Variants in GRM8 observed in about 807,000 individuals in gnomAD.
GRM8 encodes metabotropic glutamate receptor 8.
GRM8 carries 47 observed loss-of-function variants against 87.2 expected under a neutral mutation model. The ratio of observed to expected loss-of-function variants is 0.54; its 90% confidence interval spans 0.43 to 0.69. GRM8 has a LOEUF of 0.69. Ranked by LOEUF, GRM8 falls within the 30% of genes least tolerant of loss-of-function variation. GRM8 has a pLI of 0.00. For missense variants in GRM8, 1,019 were observed against 1,139.2 expected, an observed-to-expected ratio of 0.89 and a Z score of 1.52; for synonymous variants, 396 against 404.5, an observed-to-expected ratio of 0.98 and a Z score of 0.25.
At chr7:126,639,927 C>G (rs184595916) in intron 7 of GRM8, among the ~76,000 whole-genome samples, 1 of 152,264 alleles carries the variant, frequency 6.6e-6, no homozygotes, top group Admixed American at 6.5e-5. Context: ...AAAATGTCAT[C>G]TAGACCATGC....
At chr7:126,585,293 G>T (rs970318035) in intron 8 of GRM8, among the ~76,000 whole-genome samples, 2 of 152,126 alleles carry the variant, frequency 1.3e-5, no homozygotes, top group South Asian at 2.1e-4. Context: ...AAACAATAAG[G>T]CATAAACCCA....
intron 3 of GRM8, among the ~76,000 whole-genome samples, chr7:127,095,483 G>A (rs576470444): frequency 6.6e-5 from 10 of 152,208 alleles, no homozygotes; most frequent in African/African-American, 2.4e-4. Flanking sequence ...CATCAATAGA[G>A]GAAGAAATAA....
At chr7:127,008,527 AAATT>A (rs1814547950) in intron 3 of GRM8, among the ~76,000 whole-genome samples, 3 of 152,236 alleles carry the variant, frequency 2.0e-5, no homozygotes, top group East Asian at 3.9e-4. Context: ...GCTGTTCTCT[AAATT>A]ATTTCAAACT....
intron 2 of GRM8, among the ~76,000 whole-genome samples, chr7:127,216,535 C>CAAAAAAAAAAAAAAAAAAAAAAA (rs796757040): frequency 8.6e-6 from 1 of 115,960 alleles, no homozygotes; most frequent in Non-Finnish European, 1.7e-5. Context: ...AAAAAAAAAA[C>CAAAAAAAAAAAAAAAAAAAAAAA]AAAAAAAAAA....
chr7:127,252,524 C>A lies in GRM8; in HGVS notation c.-312+273G>T. 6.6e-6 allele frequency: 1 copy of A among 152,570 alleles called. No homozygotes were observed. 9.5% of individuals were successfully genotyped at this position (152,570 alleles called of 1,614,324 possible). On this transcript the variant is annotated intron_variant, in intron 1 of 10. Coordinates refer to ENST00000339582, the MANE Select transcript of GRM8 (RefSeq NM_000845.3). This position sits in a 1 kb window ranked among gnomAD's most constrained non-coding sequence, Gnocchi z 4.9. ...TCCCCCCATTCCCGTCACCTCCGCCCGCTATTTCTCTCACAGACTACGGAC... is the reference window on the plus strand; with the variant it reads ...TCCCCCCATTCCCGTCACCTCCGCCAGCTATTTCTCTCACAGACTACGGAC...
intron 3 of GRM8, among the ~76,000 whole-genome samples, chr7:126,968,418 A>T (rs1483499512): frequency 1.3e-5 from 2 of 152,172 alleles, no homozygotes; most frequent in Non-Finnish European, 2.9e-5. Context: ...TGCTGCTGTA[A>T]GGCCAAGCAA....
chr7:126,694,914 C>T (rs917575094), intron 7 of GRM8, among the ~76,000 whole-genome samples: 1 of 152,182 alleles, frequency 6.6e-6, no homozygotes, highest in African/African-American at 2.4e-5. Flanking sequence ...TTGATTCTAA[C>T]ATGTATCTGG....
chr7:126,568,501 CCT>C (rs983451528), intron 8 of GRM8, among the ~76,000 whole-genome samples: 16 of 152,104 alleles, frequency 1.1e-4, no homozygotes, highest in African/African-American at 3.6e-4. Flanking sequence ...AGAGCTCCTC[CCT>C]CTCTCTCCCT....
At chr7:126,613,541 G>T (rs1367313386) in intron 7 of GRM8, among the ~76,000 whole-genome samples, 4 of 152,064 alleles carry the variant, frequency 2.6e-5, no homozygotes, top group Non-Finnish European at 5.9e-5. Context: ...CAGGACAGTG[G>T]GTGCAGCCCA....
At chr7:126,457,204 TA>T (rs1250404644) in intron 9 of GRM8, among the ~76,000 whole-genome samples, 1 of 151,040 alleles carries the variant, frequency 6.6e-6, no homozygotes, top group African/African-American at 2.4e-5. Flanking sequence ...GATAAATCAG[TA>T]AAAAAAATAT....
intron 10 of GRM8, 125 bp from the exon 11 acceptor site, chr7:126,439,293 C>G: frequency 1.5e-6 from 1 of 666,090 alleles, no homozygotes; most frequent in Non-Finnish European, 2.7e-6. Context: ...GCATGTTACT[C>G]ATTATTTTTA....
chr7:126,669,315 C>T (rs1806134334), intron 7 of GRM8, among the ~76,000 whole-genome samples: 1 of 151,582 alleles, frequency 6.6e-6, no homozygotes, highest in Non-Finnish European at 1.5e-5. Context: ...GCACATGTAT[C>T]CTGGAACTAA....
At chr7:127,210,576 C>G (rs576654485) in intron 2 of GRM8, among the ~76,000 whole-genome samples, 13 of 152,246 alleles carry the variant, frequency 8.5e-5, no homozygotes, top group African/African-American at 3.1e-4. Context: ...AAGATGTCTT[C>G]CAATCCTAGC....
At chr7:126,595,979 A>G (rs1374223954) in intron 8 of GRM8, among the ~76,000 whole-genome samples, 3 of 152,166 alleles carry the variant, frequency 2.0e-5, no homozygotes, top group Admixed American at 2.0e-4. Flanking sequence ...TTTACTAAAG[A>G]TACAAATATC....
intron 7 of GRM8, among the ~76,000 whole-genome samples, chr7:126,656,689 C>T (rs1651163600): frequency 6.6e-6 from 1 of 151,176 alleles, no homozygotes; most frequent in African/African-American, 2.4e-5. Flanking sequence ...AATAAAAAAA[C>T]AAAAGACCTA....
intron 1 of GRM8, among the ~76,000 whole-genome samples, chr7:127,251,490 G>C (rs1798864103): frequency 6.6e-6 from 1 of 152,090 alleles, no homozygotes; most frequent in South Asian, 2.1e-4. Context: ...CCATAACAGC[G>C]ACCACTCAGC....
chr7:127,054,120 G>A (rs1819752592), intron 3 of GRM8, among the ~76,000 whole-genome samples: 1 of 152,040 alleles, frequency 6.6e-6, no homozygotes, highest in African/African-American at 2.4e-5. Context: ...AATTTTATAA[G>A]AGCTTCACCC....
chr7:127,208,194 T>C (rs79756142), intron 2 of GRM8, among the ~76,000 whole-genome samples: 3,438 of 152,296 alleles, frequency 0.023, 126 homozygotes, highest in African/African-American at 0.078. Flanking sequence ...TAAGGCCTAA[T>C]TGTAAGACAC....
chr7:126,733,020 A>G (rs942919846), intron 7 of GRM8, among the ~76,000 whole-genome samples: 4 of 152,022 alleles, frequency 2.6e-5, no homozygotes, highest in African/African-American at 9.7e-5. Flanking sequence ...TTTTTTTTTA[A>G]GCTCATCAGC....
Sources: allele counts gnomAD v4.1 joint callset (sites outside exome capture counted in the v4.1 genomes callset), GRCh38; gene constraint gnomAD v4.1.1; non-coding constraint Gnocchi (gnomAD v3.1); transcripts MANE v1.5; gene names NCBI Gene and HGNC (gene_info 2026-07-23, HGNC 2026-07-21).